Variants in CEP57L1 observed in about 807,000 individuals in gnomAD.
CEP57L1 encodes the protein centrosomal protein CEP57L1.
CEP57L1 carries 37 observed loss-of-function variants against 61.0 expected under a neutral mutation model. The observed-to-expected ratio is 0.61, with a 90% CI of 0.47 to 0.80. The LOEUF is 0.80. Among genes scored for constraint, CEP57L1 ranks in the 30% least tolerant of loss-of-function variants. The pLI, the probability that CEP57L1 is intolerant of heterozygous loss-of-function variation, is 0.00. For synonymous variants in CEP57L1, 137 were observed against 162.3 expected, an observed-to-expected ratio of 0.84 and a Z score of 1.19; for missense variants, 422 against 524.7, an observed-to-expected ratio of 0.80 and a Z score of 1.91.
chr6:109,151,024 A>G (rs572888369), intron 4 of CEP57L1, among the ~76,000 whole-genome samples: 1 of 152,170 alleles, frequency 6.6e-6, no homozygotes. Flanking sequence ...TATGTGGATA[A>G]ATCTAAATTA....
chr6:109,153,752 T>A (rs1772913254), intron 4 of CEP57L1, 81 bp from the exon 5 acceptor site: 1 of 795,878 alleles, frequency 1.3e-6, no homozygotes, highest in African/African-American at 1.7e-5. Flanking sequence ...GTGTTTTGAA[T>A]TCTCAGAAAT....
intron 10 of CEP57L1, 55 bp downstream of exon 10, chr6:109,160,771 T>C: frequency 1.3e-6 from 2 of 1,533,456 alleles, no homozygotes; most frequent in Non-Finnish European, 1.7e-6. Flanking sequence ...CTGGATTCAG[T>C]GTTGTATCTC....
chr6:109,169,226 C>T lies in CEP57L1; in HGVS notation c.*6256C>T, dbSNP rs961402344. On this transcript the variant is annotated 3_prime_UTR_variant, in exon 11 of 11. Coordinates refer to ENST00000517392, the MANE Select transcript of CEP57L1 (RefSeq NM_001271852.3). The stretch of plus-strand genomic sequence containing the variant: ...GAGCAGCAGAGTGAGGCTCCATCAG[C>T]AAAAAAAAAAAAAAAAAAAAAGATC... 1.5e-5 allele frequency among the ~76,000 whole-genome samples: 1 copy of T among 67,550 alleles called. No homozygotes were observed. The highest frequency in any genetic ancestry group is 5.7e-5 in the African/African-American group (1 of 17,410). 44.3% of individuals were successfully genotyped at this position (67,550 alleles called of 152,430 possible). A position where few individuals can be genotyped will look rare whatever the true frequency, so the allele number is the denominator to read the frequency against.
At chr6:109,112,752 C>A (rs914103691) in intron 1 of CEP57L1, among the ~76,000 whole-genome samples, 1 of 152,042 alleles carries the variant, frequency 6.6e-6, no homozygotes, top group African/African-American at 2.4e-5. Flanking sequence ...TTATTTCTGG[C>A]AGAAATATTT....
At chr6:109,134,236 TGG>T (rs1016697093) in intron 1 of CEP57L1, among the ~76,000 whole-genome samples, 2 of 151,738 alleles carry the variant, frequency 1.3e-5, no homozygotes, top group Non-Finnish European at 2.9e-5. Context: ...GCTTCATCCC[TGG>T]GATGCAAGGC....
intron 1 of CEP57L1, among the ~76,000 whole-genome samples, chr6:109,118,235 C>T (rs988652451): frequency 2.0e-5 from 3 of 152,220 alleles, no homozygotes; most frequent in Non-Finnish European, 4.4e-5. Context: ...CAGGGTTTCA[C>T]CATATTGGCC....
intron 9 of CEP57L1, among the ~76,000 whole-genome samples, chr6:109,159,947 A>G (rs1003413722): frequency 1.3e-5 from 2 of 152,166 alleles, no homozygotes; most frequent in Non-Finnish European, 2.9e-5. Flanking sequence ...GAATTATTTC[A>G]TTAGACAAGT....
chr6:109,153,389 G>T (rs922310425), intron 4 of CEP57L1, among the ~76,000 whole-genome samples: 2 of 151,538 alleles, frequency 1.3e-5, no homozygotes, highest in African/African-American at 4.8e-5. Flanking sequence ...CTACAGGTGT[G>T]CATGCACCAC....
rs1032838876 is a variant in CEP57L1 at position 109,173,175 on chromosome 6, T to C, written c.*10205T>C. ...ATATTTAACCATGTATACCATTGTT[T>C]GTGTACTTTTTAATTGTGTCATTTT... On this transcript the variant is annotated 3_prime_UTR_variant, in exon 11 of 11. Coordinates refer to ENST00000517392, the MANE Select transcript of CEP57L1 (RefSeq NM_001271852.3). Among the ~76,000 whole-genome samples, 4 of 152,210 alleles carry C rather than the reference T, an allele frequency of 2.6e-5. No homozygotes were observed. Among genetic ancestry groups the C allele is most frequent in the Non-Finnish European group, 4.4e-5 (3 of 68,038 alleles).
At chr6:109,096,528 C>T (rs554233244) in intron 1 of CEP57L1, among the ~76,000 whole-genome samples, 2 of 152,236 alleles carry the variant, frequency 1.3e-5, no homozygotes, top group East Asian at 3.9e-4. Context: ...CCAAATCATG[C>T]ATACTTGGCG....
chr6:109,134,868 AC>A (rs1774654259), intron 1 of CEP57L1, among the ~76,000 whole-genome samples: 1 of 152,196 alleles, frequency 6.6e-6, no homozygotes, highest in African/African-American at 2.4e-5. Context: ...GATGTGAAGG[AC>A]CTCTTCAAGG....
intron 1 of CEP57L1, among the ~76,000 whole-genome samples, chr6:109,120,705 C>T (rs1310840864): frequency 6.6e-6 from 1 of 152,038 alleles, no homozygotes; most frequent in Non-Finnish European, 1.5e-5. Context: ...CCAAGAATTA[C>T]TAAGTAGGTT....
At position 109,159,143 on chromosome 6, in the gene CEP57L1, CCT is replaced by C. The variant is rs760374045; in HGVS notation, c.822+42_822+43del. 1.2e-5 allele frequency: 19 copies of C among 1,613,838 alleles called. No homozygotes were observed. The African/African-American group carries it at 2.3e-4, about 19-fold the overall frequency. On this transcript the variant is annotated intron_variant, in intron 8 of 10. Coordinates refer to ENST00000517392, the MANE Select transcript of CEP57L1 (RefSeq NM_001271852.3). The stretch of plus-strand genomic sequence containing the variant: ...ATGAAGATAGTCGTTCAAAAAAACT[CCT>C]GTTTTGTTGTAAGTGCTATTTAAAT...
chr6:109,120,307 A>G (rs1285929437), intron 1 of CEP57L1, among the ~76,000 whole-genome samples: 3 of 152,234 alleles, frequency 2.0e-5, no homozygotes, highest in Non-Finnish European at 4.4e-5. Context: ...ATTCATATGA[A>G]GGTAACATTT....
In CEP57L1 at chr6:109,163,430, T is replaced by C. The variant is rs1408936303; in HGVS notation, c.*460T>C. The C allele has an allele frequency of 6.5e-6, 1 of 153,014 alleles. No homozygotes were observed. Among genetic ancestry groups the C allele is most frequent in the African/African-American group, 2.4e-5 (1 of 41,458 alleles). 9.5% of individuals were successfully genotyped at this position (153,014 alleles called of 1,614,324 possible). ...ATTTTGTTTTAGAGCTGTGAAATGT[T>C]TTTCTCTTTTGGAAAAGGAAAAACT... On this transcript the variant is annotated 3_prime_UTR_variant, in exon 11 of 11. Coordinates refer to ENST00000517392, the MANE Select transcript of CEP57L1 (RefSeq NM_001271852.3).
intron 1 of CEP57L1, among the ~76,000 whole-genome samples, chr6:109,111,748 G>A (rs1771652708): frequency 6.6e-6 from 1 of 152,084 alleles, no homozygotes; most frequent in Admixed American, 6.5e-5. Context: ...GTTGAATTTT[G>A]TCAAAGGCCT....
chr6:109,108,434 A>G (rs1320714586), intron 1 of CEP57L1, among the ~76,000 whole-genome samples: 2 of 151,498 alleles, frequency 1.3e-5, no homozygotes, highest in Non-Finnish European at 2.9e-5. Flanking sequence ...CTGGTCTCGA[A>G]CTCCTGAACT....
chr6:109,158,710 C>G (rs1773448142), intron 7 of CEP57L1: 1 of 486,776 alleles, frequency 2.1e-6, no homozygotes, highest in South Asian at 1.6e-5. Context: ...GTATTCCCAC[C>G]AACAATATGT....
intron 1 of CEP57L1, among the ~76,000 whole-genome samples, chr6:109,112,146 C>G (rs1355926482): frequency 6.6e-6 from 1 of 152,178 alleles, no homozygotes. Flanking sequence ...GTGAATCTCT[C>G]TGGTCCTGGG....
Sources: allele counts gnomAD v4.1 joint callset (sites outside exome capture counted in the v4.1 genomes callset), GRCh38; gene constraint gnomAD v4.1.1; transcripts MANE v1.5; gene names NCBI Gene and HGNC (gene_info 2026-07-23, HGNC 2026-07-21).